The following ADGRV1 variants were observed in gnomAD, a reference collection of about 807,000 sequenced individuals.
The protein encoded by ADGRV1 is G-protein coupled receptor 98.
A neutral mutation model predicts 596.2 loss-of-function variants in ADGRV1; 359 were observed. The observed-to-expected ratio is 0.60, with a 90% CI of 0.55 to 0.66. ADGRV1 has a LOEUF of 0.66. Among genes scored for constraint, ADGRV1 ranks in the 30% least tolerant of loss-of-function variants. The pLI is 0.00. For missense variants in ADGRV1, 7,274 were observed against 7,575.6 expected (o/e 0.96, Z 1.48); for synonymous variants, 2,681 against 2,679.2 (o/e 1.00, Z -0.02).
intron 88 of ADGRV1, among the ~76,000 whole-genome samples, chr5:91,152,077 G>A (rs545233772): frequency 6.6e-6 from 1 of 152,166 alleles, no homozygotes; most frequent in East Asian, 1.9e-4. Flanking sequence ...GCCACCACTT[G>A]GGTGCTCACT....
At chr5:91,120,847 A>G (rs910121645) in intron 87 of ADGRV1, among the ~76,000 whole-genome samples, 1 of 152,142 alleles carries the variant, frequency 6.6e-6, no homozygotes, top group African/African-American at 2.4e-5. Flanking sequence ...ACAGAAGGGA[A>G]TGAGATGCTG....
At chr5:91,078,120 A>G (rs558691220) in intron 86 of ADGRV1, among the ~76,000 whole-genome samples, 32 of 152,192 alleles carry the variant, frequency 2.1e-4, no homozygotes, top group Non-Finnish European at 3.5e-4. Context: ...CATCTCTTAC[A>G]TGGGAGCATT....
intron 83 of ADGRV1, among the ~76,000 whole-genome samples, chr5:90,958,226 A>G (rs78667348): frequency 0.037 from 5,508 of 147,010 alleles, 143 homozygotes; most frequent in Non-Finnish European, 0.054. Context: ...TGAGGCTGCA[A>G]TGAGCCAAAA....
intron 83 of ADGRV1, among the ~76,000 whole-genome samples, chr5:90,918,099 G>A (rs1316198332): frequency 1.3e-5 from 2 of 151,950 alleles, no homozygotes; most frequent in African/African-American, 4.8e-5. Flanking sequence ...TAGATCCTAC[G>A]ATCTGAATAG....
chr5:90,583,063 G>A (rs1425427974), intron 1 of ADGRV1, among the ~76,000 whole-genome samples: 2 of 152,070 alleles, frequency 1.3e-5, no homozygotes, highest in African/African-American at 2.4e-5. Flanking sequence ...CAATCTTTGA[G>A]TATTATTGTA....
chr5:91,004,457 A>G (rs911051654), intron 85 of ADGRV1, among the ~76,000 whole-genome samples: 3 of 152,110 alleles, frequency 2.0e-5, no homozygotes, highest in Non-Finnish European at 4.4e-5. Flanking sequence ...TTCGTAAAAT[A>G]TCTTATTCAT....
chr5:90,559,043 AGGGAG>A, intron 1 of ADGRV1, 126 bp downstream of exon 1: 1 of 786,008 alleles, frequency 1.3e-6, no homozygotes, highest in Non-Finnish European at 1.8e-6. Context: ...AGCCGGGCCC[AGGGAG>A]GCTGGGCGCG....
chr5:90,991,876 G>GA (rs569381894), intron 85 of ADGRV1, among the ~76,000 whole-genome samples: 1 of 152,098 alleles, frequency 6.6e-6, no homozygotes, highest in South Asian at 2.1e-4. Context: ...AGAGAATCAT[G>GA]AAAAAAAAGT....
chr5:91,037,356 A>G (rs958489068), intron 85 of ADGRV1, among the ~76,000 whole-genome samples: 2 of 152,200 alleles, frequency 1.3e-5, no homozygotes, highest in East Asian at 3.8e-4. Flanking sequence ...TTCTTAAAAA[A>G]AAATAGTCCA....
At chr5:90,611,353 A>G (rs984611723) in intron 1 of ADGRV1, among the ~76,000 whole-genome samples, 5 of 151,894 alleles carry the variant, frequency 3.3e-5, no homozygotes, top group African/African-American at 1.2e-4. Flanking sequence ...TCAGAACCTC[A>G]CAGTAGAATT....
At chr5:91,014,136 C>CCACACACACACACACACACACACA (rs70973720) in intron 85 of ADGRV1, among the ~76,000 whole-genome samples, 43 of 35,692 alleles carry the variant, frequency 1.2e-3, no homozygotes, top group African/African-American at 2.7e-3. Flanking sequence ...TTCACAATTG[C>CCACACACACACACACACACACACA]CACACACACA....
At chr5:91,157,724 A>G (rs1014504443) in intron 89 of ADGRV1, among the ~76,000 whole-genome samples, 1 of 152,234 alleles carries the variant, frequency 6.6e-6, no homozygotes, top group Admixed American at 6.5e-5. Context: ...CATGAGTAAC[A>G]AAAACATCTG....
At chr5:91,152,176 C>A (rs1796118283) in intron 88 of ADGRV1, among the ~76,000 whole-genome samples, 1 of 152,040 alleles carries the variant, frequency 6.6e-6, no homozygotes, top group African/African-American at 2.4e-5. Flanking sequence ...AGTGAAGTGC[C>A]GTCAGAGACA....
chr5:90,756,766 T>G (rs367549653), intron 56 of ADGRV1, 136 bp downstream of exon 56: 23 of 825,562 alleles, frequency 2.8e-5, no homozygotes, highest in East Asian at 2.7e-4. Context: ...AACTAATTCT[T>G]AGGTCTCTTT....
chr5:91,047,869 C>A (rs879762235), intron 85 of ADGRV1, among the ~76,000 whole-genome samples: 2 of 152,158 alleles, frequency 1.3e-5, no homozygotes, highest in Non-Finnish European at 2.9e-5. Flanking sequence ...TCTAATAATT[C>A]TTTGGAAATA....
intron 1 of ADGRV1, among the ~76,000 whole-genome samples, chr5:90,608,106 T>C (rs1762320533): frequency 6.6e-6 from 1 of 152,038 alleles, no homozygotes. Context: ...TGAATTAAAT[T>C]CTTGGGAAGC....
At chr5:90,967,552 G>C (rs1362828636) in intron 84 of ADGRV1, among the ~76,000 whole-genome samples, 1 of 152,046 alleles carries the variant, frequency 6.6e-6, no homozygotes, top group Non-Finnish European at 1.5e-5. Context: ...CCTGTATTGA[G>C]GTCCCCAGTG....
chr5:90,989,437 T>A (rs1780783159), intron 85 of ADGRV1, among the ~76,000 whole-genome samples: 1 of 152,216 alleles, frequency 6.6e-6, no homozygotes, highest in Non-Finnish European at 1.5e-5. Flanking sequence ...TCTATAATCA[T>A]GAATTATTTT....
intron 84 of ADGRV1, among the ~76,000 whole-genome samples, chr5:90,965,790 CTT>C (rs780009330): frequency 6.6e-6 from 1 of 152,066 alleles, no homozygotes; most frequent in Non-Finnish European, 1.5e-5. Flanking sequence ...AATGTGGGCC[CTT>C]TAAAGCACAG....
Sources: gnomAD v4.1 joint callset for allele counts (sites outside exome capture counted in the v4.1 genomes callset) on GRCh38, gnomAD v4.1.1 for gene constraint, MANE v1.5 for transcripts, NCBI Gene and HGNC (gene_info 2026-07-23, HGNC 2026-07-21) for gene names.